The following PBX1 variants were observed in gnomAD, a reference collection of about 807,000 sequenced individuals.
PBX1 encodes the protein pre-B-cell leukemia transcription factor 1.
A neutral mutation model predicts 53.4 loss-of-function variants in PBX1; 6 were observed. The observed-to-expected ratio is 0.11, with a 90% CI of 0.06 to 0.22. The LOEUF (loss-of-function observed/expected upper bound fraction) is 0.22, where lower values mean the gene tolerates loss of function less well. Among genes scored for constraint, PBX1 ranks in the 10% least tolerant of loss-of-function variants. The pLI, the probability that PBX1 is intolerant of heterozygous loss-of-function variation, is 1.00. For missense variants in PBX1, 251 were observed against 551.4 expected (o/e 0.46, Z 5.46); for synonymous variants, 204 against 212.3 (o/e 0.96, Z 0.34).
intron 2 of PBX1, among the ~76,000 whole-genome samples, chr1:164,676,136 C>T (rs1438549393): frequency 1.3e-5 from 2 of 152,114 alleles, no homozygotes; most frequent in Admixed American, 6.6e-5. Context: ...AGGCATTTTG[C>T]GTTCTTTGTG....
chr1:164,623,852 T>C (rs1657858555), intron 2 of PBX1, among the ~76,000 whole-genome samples: 1 of 152,220 alleles, frequency 6.6e-6, no homozygotes, highest in Non-Finnish European at 1.5e-5. Context: ...GCCTAATTAG[T>C]GGAATATATA....
intron 2 of PBX1, among the ~76,000 whole-genome samples, chr1:164,691,851 C>CA (rs1242594442): frequency 2.6e-5 from 4 of 152,240 alleles, no homozygotes; most frequent in African/African-American, 9.6e-5. Flanking sequence ...CATGATGCCA[C>CA]AAGTGGAAAA....
At chr1:164,641,328 G>C (rs1659129374) in intron 2 of PBX1, 1 of 152,802 alleles carries the variant, frequency 6.5e-6, no homozygotes, top group Non-Finnish European at 1.5e-5. Flanking sequence ...GGGCCCAGCA[G>C]TTCCCACTAT....
chr1:164,808,060 A>G (rs1669439423), intron 5 of PBX1, among the ~76,000 whole-genome samples: 1 of 152,174 alleles, frequency 6.6e-6, no homozygotes, highest in Non-Finnish European at 1.5e-5. Context: ...TGCCCAACCC[A>G]GGAACTTTAA....
At chr1:164,812,749 T>C (rs1296346796) in intron 6 of PBX1, 1 of 152,214 alleles carries the variant, frequency 6.6e-6, no homozygotes, top group African/African-American at 2.4e-5. Flanking sequence ...TAATAGGCTT[T>C]GTTTCAGGAA....
intron 2 of PBX1, among the ~76,000 whole-genome samples, chr1:164,564,917 T>TA (rs1250008741): frequency 6.6e-6 from 1 of 152,150 alleles, no homozygotes; most frequent in Non-Finnish European, 1.5e-5. Flanking sequence ...GATTTGTTTC[T>TA]AACCAAGTAT....
intron 2 of PBX1, among the ~76,000 whole-genome samples, chr1:164,677,407 T>G (rs1224491143): frequency 5.3e-5 from 8 of 152,012 alleles, no homozygotes; most frequent in African/African-American, 4.8e-5. Flanking sequence ...GCTTGACATT[T>G]TACAAAACGC....
chr1:164,724,979 G>T (rs1664622368), intron 2 of PBX1, among the ~76,000 whole-genome samples: 1 of 151,926 alleles, frequency 6.6e-6, no homozygotes, highest in South Asian at 2.1e-4. Flanking sequence ...TATACAGGTG[G>T]GTCCTTTTTC....
At chr1:164,610,217 G>A (rs983706252) in intron 2 of PBX1, among the ~76,000 whole-genome samples, 1 of 152,186 alleles carries the variant, frequency 6.6e-6, no homozygotes, top group Non-Finnish European at 1.5e-5. Context: ...CCGGGAAAGA[G>A]ATTTGAGGGA....
At chr1:164,834,470 A>G (rs1028962927) in intron 8 of PBX1, among the ~76,000 whole-genome samples, 1 of 151,486 alleles carries the variant, frequency 6.6e-6, no homozygotes, top group East Asian at 1.9e-4. Context: ...CAGCCTCCCA[A>G]GTAGCTGGGA....
intron 8 of PBX1, among the ~76,000 whole-genome samples, chr1:164,823,007 A>C (rs1670236139): frequency 6.6e-6 from 1 of 152,186 alleles, no homozygotes; most frequent in South Asian, 2.1e-4. Flanking sequence ...TTTTAAGGCC[A>C]CTTACATTAG....
At chr1:164,826,539 G>C (rs1670473372) in intron 8 of PBX1, among the ~76,000 whole-genome samples, 1 of 151,952 alleles carries the variant, frequency 6.6e-6, no homozygotes, top group Non-Finnish European at 1.5e-5. Context: ...TAAGTAGCCG[G>C]GATTACAGGT....
intron 2 of PBX1, among the ~76,000 whole-genome samples, chr1:164,612,649 AAGATTCT>A (rs775051077): frequency 3.3e-5 from 5 of 152,134 alleles, no homozygotes; most frequent in Non-Finnish European, 7.4e-5. Context: ...AAAGAGACAA[AAGATTCT>A]AGACTGGAAA....
At chr1:164,826,984 C>T (rs902059479) in intron 8 of PBX1, among the ~76,000 whole-genome samples, 1 of 151,834 alleles carries the variant, frequency 6.6e-6, no homozygotes, top group Non-Finnish European at 1.5e-5. Flanking sequence ...TTTGTTTTTT[C>T]TTTTCTCCCA....
intron 2 of PBX1, among the ~76,000 whole-genome samples, chr1:164,621,081 C>T (rs1266060474): frequency 1.3e-5 from 2 of 152,208 alleles, no homozygotes; most frequent in African/African-American, 2.4e-5. Context: ...CTCCGCCTCC[C>T]GGATTCAAGC....
intron 8 of PBX1, among the ~76,000 whole-genome samples, chr1:164,842,920 C>T (rs1040691653): frequency 9.9e-5 from 15 of 151,012 alleles, no homozygotes; most frequent in African/African-American, 3.7e-4. Context: ...CCACCCACCG[C>T]ACAGTTGTTA....
chr1:164,775,454 T>G (rs539294647), intron 2 of PBX1, among the ~76,000 whole-genome samples: 1 of 152,126 alleles, frequency 6.6e-6, no homozygotes, highest in Non-Finnish European at 1.5e-5. Context: ...GCAGAGACCA[T>G]GTGAATGCTT....
At chr1:164,876,994 A>G (rs1672528700) in intron 2 of PBX1, among the ~76,000 whole-genome samples, 1 of 152,192 alleles carries the variant, frequency 6.6e-6, no homozygotes, top group Admixed American at 6.5e-5. Flanking sequence ...AACATCTAGC[A>G]AACAGTGATA....
intron 2 of PBX1, among the ~76,000 whole-genome samples, chr1:164,728,274 G>A (rs539537967): frequency 8.9e-4 from 134 of 150,750 alleles, no homozygotes; most frequent in Admixed American, 3.8e-3. Context: ...CCATGATCGC[G>A]CCACTACACT....
Sources: gnomAD v4.1 joint callset for allele counts (sites outside exome capture counted in the v4.1 genomes callset) on GRCh38, gnomAD v4.1.1 for gene constraint, MANE v1.5 for transcripts, NCBI Gene and HGNC (gene_info 2026-07-23, HGNC 2026-07-21) for gene names.